The following PGAP1 variants were observed in gnomAD, a reference collection of about 807,000 sequenced individuals.
PGAP1 encodes post-GPI attachment to proteins inositol deacylase 1, also known as GPI inositol-deacylase.
A neutral mutation model predicts 127.0 loss-of-function variants in PGAP1; 76 were observed. The observed-to-expected ratio is 0.60, with a 90% CI of 0.50 to 0.72. The LOEUF is 0.72. Ranked by LOEUF, PGAP1 falls within the 30% of genes least tolerant of loss-of-function variation. PGAP1 has a pLI of 0.00. For missense variants in PGAP1, 982 were observed against 1,071.3 expected (o/e 0.92, Z 1.16); for synonymous variants, 362 against 366.5 (o/e 0.99, Z 0.14).
In PGAP1 at chr2:196,845,928, C is replaced by A; in HGVS notation, c.2240G>T (p.Cys747Phe). 6.2e-7 allele frequency: 1 copy of A among 1,608,906 alleles called. No individual in the cohort carries two copies. Among genetic ancestry groups the A allele is most frequent in the Non-Finnish European group, 8.5e-7 (1 of 1,176,966 alleles). Residue 747 changes from cysteine (C) to phenylalanine (F), a missense_variant, in exon 23 of 27, where the codon TGT becomes TTT. Physicochemically the swap from Cys to Phe is radical, Grantham distance 205. Coordinates refer to ENST00000354764, the MANE Select transcript of PGAP1 (RefSeq NM_024989.4). The stretch of plus-strand genomic sequence containing the variant: ...AGAAAGAAGTATGGCTAGTGCTCCA[C>A]AAGTTGTCCAACTAACTATGATCAA... ...IVLIIVSWTT[C>F]GALAILLSYL...
At chr2:196,880,231 T>G in intron 12 of PGAP1, 78 bp from the exon 13 acceptor site, 1 of 888,172 alleles carries the variant, frequency 1.1e-6, no homozygotes, top group Non-Finnish European at 1.7e-6. Flanking sequence ...TAACACTTAT[T>G]TCTTACTTAA....
chr2:196,861,107 G>A (rs901244385), intron 20 of PGAP1, among the ~76,000 whole-genome samples: 1 of 152,100 alleles, frequency 6.6e-6, no homozygotes. Flanking sequence ...TCAATAAATG[G>A]TGCTGGGAAA....
At position 196,873,919 on chromosome 2, in the gene PGAP1, A is replaced by C. The variant is rs530129517; in HGVS notation, c.1427-161T>G. 533 of 532,122 alleles carry C rather than the reference A, an allele frequency of 1.0e-3. 2 individuals are homozygous for C. Among genetic ancestry groups the C allele is most frequent in the East Asian group, 9.8e-3 (329 of 33,606 alleles). The allele number at this position is 532,122 out of a possible 1,614,324, so 33.0% of individuals were successfully genotyped here. On this transcript the variant is annotated intron_variant, in intron 14 of 26. Coordinates refer to ENST00000354764, the MANE Select transcript of PGAP1 (RefSeq NM_024989.4). ...CTCCTAAAAATCTAATCTCCCAGCA[A>C]TAAACTCTAGACAAAATAAATTTTA...
intron 10 of PGAP1, among the ~76,000 whole-genome samples, chr2:196,887,350 C>G (rs1025945432): frequency 6.6e-6 from 1 of 152,116 alleles, no homozygotes; most frequent in East Asian, 1.9e-4. Context: ...CGCCACTGCA[C>G]TCCAGCCTGG....
At chr2:196,901,061 G>A (rs1702472901) in intron 5 of PGAP1, among the ~76,000 whole-genome samples, 1 of 152,158 alleles carries the variant, frequency 6.6e-6, no homozygotes, top group Non-Finnish European at 1.5e-5. Flanking sequence ...TTTAGGATGT[G>A]GTATCAATAC....
chr2:196,853,844 C>G (rs1243954479), intron 20 of PGAP1, among the ~76,000 whole-genome samples: 4 of 151,674 alleles, frequency 2.6e-5, no homozygotes, highest in African/African-American at 9.7e-5. Context: ...TCACAATGAC[C>G]TGTGATCCTC....
At chr2:196,867,713 A>G (rs1194861892) in intron 19 of PGAP1, among the ~76,000 whole-genome samples, 4 of 152,188 alleles carry the variant, frequency 2.6e-5, no homozygotes, top group African/African-American at 9.7e-5. Flanking sequence ...GAATTTTTTT[A>G]GAACATGTAT....
At chr2:196,890,612 C>T (rs1702064778) in intron 10 of PGAP1, among the ~76,000 whole-genome samples, 1 of 151,778 alleles carries the variant, frequency 6.6e-6, no homozygotes. Flanking sequence ...GGTGGGAGAC[C>T]TAAACTAGAA....
At position 196,873,797 on chromosome 2, in the gene PGAP1, G is replaced by A. The variant is rs1275439029; in HGVS notation, c.1427-39C>T. 11 of 1,391,810 alleles carry A rather than the reference G, an allele frequency of 7.9e-6. No homozygotes were observed. The African/African-American group carries it at 1.3e-4, about 16-fold the overall frequency. The allele number at this position is 1,391,810 out of a possible 1,614,324, so 86.2% of individuals were successfully genotyped here. A position where few individuals can be genotyped will look rare whatever the true frequency, so the allele number is the denominator to read the frequency against. On this transcript the variant is annotated intron_variant, in intron 14 of 26. Transcript: ENST00000354764. ...AGTACTGTATTACTTAGAATATCAA[G>A]GAAGTTTTTAAAAACATACTGATTA...
At chr2:196,915,790 T>C (rs1311103357) in intron 3 of PGAP1, among the ~76,000 whole-genome samples, 2 of 152,250 alleles carry the variant, frequency 1.3e-5, no homozygotes, top group Non-Finnish European at 2.9e-5. Flanking sequence ...CATTCAAAGA[T>C]TGAAAAACAT....
At chr2:196,886,835 C>G (rs1049533323) in intron 10 of PGAP1, among the ~76,000 whole-genome samples, 5 of 151,886 alleles carry the variant, frequency 3.3e-5, no homozygotes, top group African/African-American at 1.2e-4. Flanking sequence ...GTAGCTGGGA[C>G]TACAGCGGTG....
At position 196,840,285 on chromosome 2, in the gene PGAP1, G is replaced by A. The variant is rs555098890; in HGVS notation, c.*949C>T. ...TATACATCAAATGTGATGTTACCTT[G>A]ATCATGTTGTTGTTGTTGTTTTTTC... is the stretch of plus-strand genomic sequence containing the variant. On this transcript the variant is annotated 3_prime_UTR_variant, in exon 27 of 27. Coordinates refer to ENST00000354764, the MANE Select transcript of PGAP1 (RefSeq NM_024989.4). The A allele has an allele frequency of 5.3e-5, 8 of 152,100 alleles. No homozygotes were observed. The highest frequency in any genetic ancestry group is 1.9e-4 in the African/African-American group (8 of 41,506). 9.4% of individuals were successfully genotyped at this position (152,100 alleles called of 1,614,324 possible). A position where few individuals can be genotyped will look rare whatever the true frequency, so the allele number is the denominator to read the frequency against.
chr2:196,914,166 T>G (rs1702926988), intron 3 of PGAP1, among the ~76,000 whole-genome samples: 1 of 152,172 alleles, frequency 6.6e-6, no homozygotes, highest in Non-Finnish European at 1.5e-5. Flanking sequence ...TAGCAATCCT[T>G]CTCATTTTCT....
At chr2:196,881,390 G>A (rs1701725582) in intron 12 of PGAP1, among the ~76,000 whole-genome samples, 1 of 152,146 alleles carries the variant, frequency 6.6e-6, no homozygotes. Context: ...ACCCAGTAAT[G>A]GGATTACTAG....
At chr2:196,918,246 G>A (rs1371406603) in intron 2 of PGAP1, among the ~76,000 whole-genome samples, 3 of 151,992 alleles carry the variant, frequency 2.0e-5, no homozygotes, top group African/African-American at 7.3e-5. Flanking sequence ...AGCAAAGGAA[G>A]GTAAAATATA....
At chr2:196,894,503 C>T (rs1306250702) in intron 7 of PGAP1, among the ~76,000 whole-genome samples, 1 of 152,128 alleles carries the variant, frequency 6.6e-6, no homozygotes, top group African/African-American at 2.4e-5. Context: ...ATGTTACAGC[C>T]TGTCTATCAA....
At chr2:196,856,305 A>G (rs1482090642) in intron 20 of PGAP1, among the ~76,000 whole-genome samples, 3 of 152,210 alleles carry the variant, frequency 2.0e-5, no homozygotes, top group South Asian at 2.1e-4. Context: ...GGCATGAGCC[A>G]CCATGCCCAG....
At chr2:196,891,460 T>C (rs2125818166) in intron 9 of PGAP1, among the ~76,000 whole-genome samples, 1 of 152,268 alleles carries the variant, frequency 6.6e-6, no homozygotes, top group Non-Finnish European at 1.5e-5. Flanking sequence ...TGGTTTGCAC[T>C]GACCAAATAT....
In PGAP1 at chr2:196,902,818, T is replaced by C. The variant is rs1032147856; in HGVS notation, c.650-76A>G. The C allele has an allele frequency of 1.5e-5, 16 of 1,081,608 alleles. No individual in the cohort carries two copies. In the African/African-American group the frequency reaches 2.6e-4, roughly 17 times the overall value. The allele number at this position is 1,081,608 out of a possible 1,614,324, so 67.0% of individuals were successfully genotyped here. A position where few individuals can be genotyped will look rare whatever the true frequency, so the allele number is the denominator to read the frequency against. ...ACAATAAGATATCTATACAGTAATA[T>C]TAATATGTAACTGAATTTTTGCTTA... On this transcript the variant is annotated intron_variant, in intron 4 of 26. Transcript: ENST00000354764.
Sources: gnomAD v4.1 joint callset for allele counts (sites outside exome capture counted in the v4.1 genomes callset) on GRCh38, gnomAD v4.1.1 for gene constraint, MANE v1.5 for transcripts, NCBI Gene and HGNC (gene_info 2026-07-23, HGNC 2026-07-21) for gene names.